The following ADAM23 variants were observed in gnomAD, a reference collection of about 807,000 sequenced individuals.
ADAM23 encodes ADAM metallopeptidase domain 23.
ADAM23 carries 33 observed loss-of-function variants against 120.1 expected under a neutral mutation model. The ratio of observed to expected loss-of-function variants is 0.27; its 90% CI spans 0.21 to 0.37. ADAM23 has a LOEUF of 0.37. ADAM23 is among the 10% of genes least tolerant of loss of function. The pLI is 1.00. For missense variants in ADAM23, 862 were observed against 1,058.2 expected, an observed-to-expected ratio of 0.81 and a Z score of 2.57; for synonymous variants, 367 against 375.2, an observed-to-expected ratio of 0.98 and a Z score of 0.25.
At chr2:206,483,008 C>T (rs1695928464) in intron 3 of ADAM23, among the ~76,000 whole-genome samples, 1 of 152,032 alleles carries the variant, frequency 6.6e-6, no homozygotes. Flanking sequence ...AGAGGTAAGC[C>T]TAGGGACAGC....
chr2:206,503,339 T>C (rs1696430214), intron 3 of ADAM23, among the ~76,000 whole-genome samples: 1 of 152,032 alleles, frequency 6.6e-6, no homozygotes, highest in Non-Finnish European at 1.5e-5. Flanking sequence ...AAGGTACTTG[T>C]CTGAAAGTTA....
At chr2:206,453,954 C>A (rs1695245116) in intron 2 of ADAM23, among the ~76,000 whole-genome samples, 1 of 152,164 alleles carries the variant, frequency 6.6e-6, no homozygotes, top group Admixed American at 6.5e-5. Context: ...CCAAGATCTA[C>A]CTTAAGATCT....
chr2:206,475,625 T>G (rs2105872764), intron 2 of ADAM23, among the ~76,000 whole-genome samples: 1 of 151,972 alleles, frequency 6.6e-6, no homozygotes, highest in African/African-American at 2.4e-5. Flanking sequence ...GTCTTCCTGG[T>G]GAAGTGGACT....
intron 24 of ADAM23, 61 bp downstream of exon 24, chr2:206,596,223 A>C (rs1376607175): frequency 4.0e-6 from 5 of 1,244,072 alleles, no homozygotes; most frequent in African/African-American, 1.5e-5. Flanking sequence ...GTTCCAATGC[A>C]CCAGTATAAC....
chr2:206,494,343 T>A (rs766756983), intron 3 of ADAM23, among the ~76,000 whole-genome samples: 3 of 152,212 alleles, frequency 2.0e-5, no homozygotes, highest in Non-Finnish European at 4.4e-5. Flanking sequence ...AGCTAATACT[T>A]GACCCTAAAA....
chr2:206,571,366 T>C (rs1047898315), intron 16 of ADAM23, among the ~76,000 whole-genome samples: 1 of 152,092 alleles, frequency 6.6e-6, no homozygotes, highest in Non-Finnish European at 1.5e-5. Flanking sequence ...TCCCAGCTAC[T>C]CGGGAGGCTG....
chr2:206,520,220 C>T (rs1452792514), intron 3 of ADAM23, among the ~76,000 whole-genome samples: 1 of 152,016 alleles, frequency 6.6e-6, no homozygotes, highest in Non-Finnish European at 1.5e-5. Context: ...TACAGAGGCC[C>T]CTGTCTCAGT....
At chr2:206,485,409 G>A (rs1016000030) in intron 3 of ADAM23, among the ~76,000 whole-genome samples, 1 of 152,148 alleles carries the variant, frequency 6.6e-6, no homozygotes, top group Admixed American at 6.5e-5. Flanking sequence ...TATCAAAGGA[G>A]GGAAAGGTGT....
chr2:206,469,513 A>G (rs1695610098), intron 2 of ADAM23, among the ~76,000 whole-genome samples: 1 of 152,176 alleles, frequency 6.6e-6, no homozygotes, highest in African/African-American at 2.4e-5. Flanking sequence ...AAGTCTCTTA[A>G]GGCTACTCTG....
intron 2 of ADAM23, among the ~76,000 whole-genome samples, chr2:206,473,491 T>A (rs1286201110): frequency 6.6e-6 from 1 of 151,900 alleles, no homozygotes; most frequent in Non-Finnish European, 1.5e-5. Flanking sequence ...CTCAGCATTT[T>A]GGGTGGCTAA....
chr2:206,613,034 G>A (rs1370328116), intron 25 of ADAM23, among the ~76,000 whole-genome samples: 1 of 152,054 alleles, frequency 6.6e-6, no homozygotes, highest in Non-Finnish European at 1.5e-5. Flanking sequence ...ATTGTGTAAT[G>A]TTATGGGTAG....
intron 13 of ADAM23, among the ~76,000 whole-genome samples, chr2:206,563,241 A>G (rs772127799): frequency 3.3e-5 from 5 of 152,198 alleles, no homozygotes; most frequent in Non-Finnish European, 7.3e-5. Flanking sequence ...AGACACTGGG[A>G]GTAAAGGTCT....
rs990583421 is a variant in ADAM23 at position 206,487,999 on chromosome 2, G to A, written c.509+6691G>A. On this transcript the variant is annotated intron_variant, in intron 3 of 25. Coordinates refer to ENST00000264377, the MANE Select transcript of ADAM23 (RefSeq NM_003812.4). Reference sequence around the variant, plus strand: ...TATTCTGATTTTCTGGGAATCAGAGGTGTTTGATTTAAGATGAATATCTAG... The same window carrying A: ...TATTCTGATTTTCTGGGAATCAGAGATGTTTGATTTAAGATGAATATCTAG... Among the ~76,000 whole-genome samples, 4 of 152,336 alleles carry A rather than the reference G, an allele frequency of 2.6e-5. No individual in the cohort carries two copies. In the South Asian group the frequency reaches 8.3e-4, roughly 32 times the overall value.
chr2:206,528,822 C>T (rs1696991750), intron 3 of ADAM23, among the ~76,000 whole-genome samples: 1 of 152,154 alleles, frequency 6.6e-6, no homozygotes. Flanking sequence ...GAAATAAAGA[C>T]CCAAGTTTAG....
At chr2:206,589,633 T>G (rs1416365569) in intron 21 of ADAM23, 119 bp downstream of exon 21, 2 of 701,016 alleles carry the variant, frequency 2.9e-6, no homozygotes, top group South Asian at 3.6e-5. Flanking sequence ...ATTCCAAAAT[T>G]TAAAGTATTT....
At chr2:206,517,763 A>C (rs74600799) in intron 3 of ADAM23, among the ~76,000 whole-genome samples, 2,479 of 152,218 alleles carry the variant, frequency 0.016, 45 homozygotes, top group East Asian at 0.093. Context: ...GACTTTTCTC[A>C]TATCTTCTCT....
At chr2:206,537,217 T>A (rs1439052838) in intron 4 of ADAM23, among the ~76,000 whole-genome samples, 2 of 152,122 alleles carry the variant, frequency 1.3e-5, no homozygotes, top group Non-Finnish European at 2.9e-5. Context: ...TTTTAGAATG[T>A]TCTTTGTGCT....
At chr2:206,558,228 C>G (rs1697685596) in intron 10 of ADAM23, among the ~76,000 whole-genome samples, 2 of 151,946 alleles carry the variant, frequency 1.3e-5, no homozygotes, top group African/African-American at 4.8e-5. Context: ...GTTGACTAGT[C>G]AGAAATTAAA....
At chr2:206,605,395 G>T (rs1698709492) in intron 24 of ADAM23, among the ~76,000 whole-genome samples, 1 of 152,038 alleles carries the variant, frequency 6.6e-6, no homozygotes, top group African/African-American at 2.4e-5. Context: ...AGCTTCTTAG[G>T]CATATTTTAC....
Sources: allele counts gnomAD v4.1 joint callset (sites outside exome capture counted in the v4.1 genomes callset), GRCh38; gene constraint gnomAD v4.1.1; transcripts MANE v1.5; gene names NCBI Gene and HGNC (gene_info 2026-07-23, HGNC 2026-07-21).